RAB30: variants seen among roughly 807,000 people sequenced by gnomAD.
RAB30 encodes the protein ras-related protein Rab-30.
RAB30 carries 9 observed loss-of-function variants against 25.1 expected under a neutral mutation model. The ratio of observed to expected loss-of-function variants is 0.36; its 90% CI spans 0.22 to 0.63. The LOEUF is 0.63. Among genes scored for constraint, RAB30 ranks in the 20% least tolerant of loss-of-function variants. The pLI, the probability that RAB30 is intolerant of heterozygous loss-of-function variation, is 0.69. For synonymous variants in RAB30, 77 were observed against 86.4 expected, an observed-to-expected ratio of 0.89 and a Z score of 0.60; for missense variants, 140 against 243.5, an observed-to-expected ratio of 0.58 and a Z score of 2.83.
chr11:82,982,136 G>C lies in RAB30; in HGVS notation c.*29C>G. The C allele has an allele frequency of 6.2e-7, 1 of 1,613,096 alleles. No individual in the cohort carries two copies. Among genetic ancestry groups the C allele is most frequent in the Non-Finnish European group, 8.5e-7 (1 of 1,179,256 alleles). On this transcript the variant is annotated 3_prime_UTR_variant, in exon 5 of 5. Coordinates refer to ENST00000527633, the MANE Select transcript of RAB30 (RefSeq NM_001286060.2). ...CTCATGGCCCATCAGGGCAGTTGCT[G>C]ATTCCTTTTCTTCTCCGTGCCTCAG...
chr11:83,054,096 A>C (rs1565290566), intron 1 of RAB30, among the ~76,000 whole-genome samples: 1 of 152,150 alleles, frequency 6.6e-6, no homozygotes. Context: ...TCTGTAAATA[A>C]ATAAATAAAT....
intron 1 of RAB30, among the ~76,000 whole-genome samples, chr11:83,057,107 G>A (rs1351070929): frequency 6.6e-6 from 1 of 151,896 alleles, no homozygotes; most frequent in Non-Finnish European, 1.5e-5. Flanking sequence ...CACTTCAAAG[G>A]GACAGGCTTA....
At chr11:82,990,326 C>T (rs1441190754) in intron 3 of RAB30, among the ~76,000 whole-genome samples, 7 of 152,152 alleles carry the variant, frequency 4.6e-5, no homozygotes, top group African/African-American at 1.7e-4. Flanking sequence ...GCACACAGCA[C>T]GTGGTAGAAA....
rs577241140 is a variant in RAB30 at position 83,025,715 on chromosome 11, A to G, written c.-8-28391T>C. Reference sequence around the variant, plus strand: ...CAAAGTGCAAGCAAACACTTCTATAATAAGAGGGGAGTACACAGAAGCTGG... The same window carrying G: ...CAAAGTGCAAGCAAACACTTCTATAGTAAGAGGGGAGTACACAGAAGCTGG... On this transcript the variant is annotated intron_variant, in intron 1 of 4. Coordinates refer to ENST00000527633, the MANE Select transcript of RAB30 (RefSeq NM_001286060.2). Among the ~76,000 whole-genome samples the G allele has an allele frequency of 7.2e-5, 11 of 152,350 alleles. No individual in the cohort carries two copies. The South Asian group carries it at 2.1e-3, about 29-fold the overall frequency.
chr11:83,058,666 T>G (rs1372943434), intron 1 of RAB30, among the ~76,000 whole-genome samples: 1 of 152,260 alleles, frequency 6.6e-6, no homozygotes, highest in African/African-American at 2.4e-5. Context: ...GGTGTCTGCC[T>G]TGTTTCTCCA....
At chr11:83,039,523 A>G (rs1858059255) in intron 1 of RAB30, among the ~76,000 whole-genome samples, 1 of 152,168 alleles carries the variant, frequency 6.6e-6, no homozygotes, top group African/African-American at 2.4e-5. Flanking sequence ...TTCAAAAAAT[A>G]CAAAAATTAG....
In RAB30 at chr11:83,043,089, G is replaced by A. The variant is rs529089704; in HGVS notation, c.-9+28602C>T. Among the ~76,000 whole-genome samples, 242 of 152,328 alleles carry A rather than the reference G, an allele frequency of 1.6e-3. No individual in the cohort carries two copies. In the Middle Eastern group the frequency reaches 0.017, roughly 11 times the overall value. On this transcript the variant is annotated intron_variant, in intron 1 of 4. Transcript: ENST00000527633. Reference sequence around the variant, plus strand: ...TGCCCTTGAGCAATATGACTTTGCAGTTATTCCCATCAAGAGGAGCATGTG... The same window carrying A: ...TGCCCTTGAGCAATATGACTTTGCAATTATTCCCATCAAGAGGAGCATGTG...
intron 1 of RAB30, among the ~76,000 whole-genome samples, chr11:83,019,997 G>A (rs1051718231): frequency 6.6e-6 from 1 of 152,238 alleles, no homozygotes; most frequent in African/African-American, 2.4e-5. Context: ...GCTGGAAGGC[G>A]TGGCCAGGAC....
intron 3 of RAB30, 86 bp from the exon 4 acceptor site, chr11:82,987,856 GA>G (rs1447775729): frequency 6.3e-6 from 3 of 477,834 alleles, no homozygotes; most frequent in Non-Finnish European, 8.9e-6. Context: ...GCTTTGGTTT[GA>G]AAATGGGTAC....
intron 1 of RAB30, among the ~76,000 whole-genome samples, chr11:83,021,394 T>C (rs1384541933): frequency 6.6e-6 from 1 of 152,226 alleles, no homozygotes; most frequent in Non-Finnish European, 1.5e-5. Flanking sequence ...CTGGGCCCTG[T>C]GGTTCCTGGT....
intron 2 of RAB30, among the ~76,000 whole-genome samples, chr11:82,996,294 G>A (rs1856957972): frequency 6.6e-6 from 1 of 152,158 alleles, no homozygotes; most frequent in African/African-American, 2.4e-5. Context: ...CCCCTGATGT[G>A]CAACAGGCAG....
At chr11:83,059,923 G>A (rs995122638) in intron 1 of RAB30, among the ~76,000 whole-genome samples, 2 of 152,120 alleles carry the variant, frequency 1.3e-5, no homozygotes, top group African/African-American at 4.8e-5. Context: ...GGGGCGGGGT[G>A]GTTGGGGCCA....
At chr11:83,015,237 T>A (rs929376490) in intron 1 of RAB30, among the ~76,000 whole-genome samples, 2 of 152,190 alleles carry the variant, frequency 1.3e-5, no homozygotes, top group African/African-American at 4.8e-5. Flanking sequence ...GTTAGGAGGC[T>A]ACTGCAAATA....
intron 1 of RAB30, among the ~76,000 whole-genome samples, chr11:83,066,702 C>A (rs112660997): frequency 0.017 from 2,658 of 152,238 alleles, 62 homozygotes; most frequent in East Asian, 0.081. Flanking sequence ...AGGCATGCAC[C>A]ACTACACCCC....
intron 1 of RAB30, among the ~76,000 whole-genome samples, chr11:83,010,594 T>C (rs941649584): frequency 5.9e-5 from 9 of 152,132 alleles, no homozygotes; most frequent in African/African-American, 1.4e-4. Context: ...AGGGGCTCAA[T>C]AGTGGGGAGG....
At chr11:83,066,974 T>C (rs1425034991) in intron 1 of RAB30, among the ~76,000 whole-genome samples, 1 of 152,226 alleles carries the variant, frequency 6.6e-6, no homozygotes, top group African/African-American at 2.4e-5. Flanking sequence ...TGACTTAGGT[T>C]AATTCACTCA....
intron 1 of RAB30, among the ~76,000 whole-genome samples, chr11:83,066,567 T>C (rs1453484438): frequency 2.6e-5 from 4 of 152,250 alleles, no homozygotes; most frequent in Non-Finnish European, 5.9e-5. Flanking sequence ...TTTTTTTGTT[T>C]TGAGACAGAG....
At chr11:83,045,740 T>C (rs189867866) in intron 1 of RAB30, among the ~76,000 whole-genome samples, 1 of 152,352 alleles carries the variant, frequency 6.6e-6, no homozygotes, top group Non-Finnish European at 1.5e-5. Context: ...AGATTACGTA[T>C]ATGACTATAC....
At chr11:82,990,289 T>A (rs1856825303) in intron 3 of RAB30, among the ~76,000 whole-genome samples, 1 of 152,196 alleles carries the variant, frequency 6.6e-6, no homozygotes, top group Non-Finnish European at 1.5e-5. Flanking sequence ...TTATTTGACC[T>A]TACACCCCCA....
Sources: allele counts gnomAD v4.1 joint callset (sites outside exome capture counted in the v4.1 genomes callset), GRCh38; gene constraint gnomAD v4.1.1; transcripts MANE v1.5; gene names NCBI Gene and HGNC (gene_info 2026-07-23, HGNC 2026-07-21).